Variants in MGMT observed in about 807,000 individuals in gnomAD.
The protein encoded by MGMT is O-6-methylguanine-DNA methyltransferase, also known as methylated-DNA--protein-cysteine methyltransferase.
MGMT carries 14 observed loss-of-function variants against 15.9 expected under a neutral mutation model. The ratio of observed to expected loss-of-function variants is 0.88; its 90% confidence interval spans 0.58 to 1.37. The LOEUF is 1.37. Ranked by LOEUF, MGMT falls within the 40% of genes most tolerant of loss-of-function variation. MGMT has a pLI of 0.00. For synonymous variants in MGMT, 130 were observed against 118.2 expected (o/e 1.10, Z -0.65); for missense variants, 282 against 268.1 (o/e 1.05, Z -0.36).
At chr10:129,562,120 C>A (rs1846287261) in intron 2 of MGMT, among the ~76,000 whole-genome samples, 2 of 152,186 alleles carry the variant, frequency 1.3e-5, no homozygotes, top group Admixed American at 1.3e-4. Flanking sequence ...TGAATAAAGT[C>A]TTTTATGATG....
At chr10:129,483,849 G>A (rs777227976) in intron 1 of MGMT, among the ~76,000 whole-genome samples, 1 of 151,534 alleles carries the variant, frequency 6.6e-6, no homozygotes, top group Non-Finnish European at 1.5e-5. Flanking sequence ...TTTGGATTTT[G>A]GAATATTTGC....
chr10:129,755,317 G>A (rs1340690815), intron 3 of MGMT, among the ~76,000 whole-genome samples: 1 of 152,328 alleles, frequency 6.6e-6, no homozygotes, highest in Non-Finnish European at 1.5e-5. Context: ...CCAGCTCCTG[G>A]GGATTCCCCT....
chr10:129,759,448 G>T, intron 4 of MGMT, 107 bp downstream of exon 4: 2 of 1,536,742 alleles, frequency 1.3e-6, no homozygotes, highest in Non-Finnish European at 1.8e-6. Context: ...TGCTGCTGGG[G>T]TGGGCAGAGG....
chr10:129,668,453 G>C (rs1291866103), intron 2 of MGMT, among the ~76,000 whole-genome samples: 1 of 152,002 alleles, frequency 6.6e-6, no homozygotes, highest in African/African-American at 2.4e-5. Context: ...TTGTTGTTTG[G>C]GTTTACAGCA....
intron 1 of MGMT, among the ~76,000 whole-genome samples, chr10:129,534,943 C>G (rs926459295): frequency 3.3e-5 from 5 of 152,180 alleles, no homozygotes; most frequent in African/African-American, 1.2e-4. Flanking sequence ...GTCACAACTG[C>G]TCACCTCTGC....
intron 2 of MGMT, among the ~76,000 whole-genome samples, chr10:129,553,048 C>T (rs906841595): frequency 2.0e-5 from 3 of 152,116 alleles, no homozygotes; most frequent in African/African-American, 7.2e-5. Context: ...TTGGATCCAC[C>T]ACGATGTCTC....
intron 3 of MGMT, among the ~76,000 whole-genome samples, chr10:129,745,338 T>C (rs1848682020): frequency 6.6e-6 from 1 of 151,886 alleles, no homozygotes; most frequent in Non-Finnish European, 1.5e-5. Context: ...ACCCCCAAAA[T>C]CAGGGTGCAG....
intron 2 of MGMT, among the ~76,000 whole-genome samples, chr10:129,646,719 A>AATATATATATATATATATATATATAT (rs10543851): frequency 8.2e-4 from 67 of 81,652 alleles, no homozygotes; most frequent in Middle Eastern, 6.2e-3. Context: ...GCCCATCAGA[A>AATATATATATATATATATATATATAT]ATATATATAT....
intron 2 of MGMT, among the ~76,000 whole-genome samples, chr10:129,642,351 A>G (rs1847337290): frequency 2.0e-5 from 3 of 152,180 alleles, no homozygotes; most frequent in Admixed American, 2.0e-4. Flanking sequence ...TGCATTTGGG[A>G]ATATTCTGCA....
At chr10:129,635,744 C>A (rs948968720) in intron 2 of MGMT, among the ~76,000 whole-genome samples, 1 of 152,200 alleles carries the variant, frequency 6.6e-6, no homozygotes, top group African/African-American at 2.4e-5. Flanking sequence ...CTAGTGGTCA[C>A]CTATGTCTGT....
chr10:129,739,156 A>C (rs572340418), intron 3 of MGMT, among the ~76,000 whole-genome samples: 38 of 152,304 alleles, frequency 2.5e-4, no homozygotes, highest in African/African-American at 8.7e-4. Context: ...AACGTATCTC[A>C]AATAATAAGA....
At chr10:129,611,373 CCACACACTTTCAAACAACCAGATCT>C (rs1846957478) in intron 2 of MGMT, among the ~76,000 whole-genome samples, 1 of 152,078 alleles carries the variant, frequency 6.6e-6, no homozygotes, top group Non-Finnish European at 1.5e-5. Context: ...GGGGGAGGTG[CCACACACTTTCAAACAACCAGATCT>C]CTTGAGAACT....
intron 2 of MGMT, among the ~76,000 whole-genome samples, chr10:129,628,486 T>A (rs1847175196): frequency 6.6e-6 from 1 of 152,188 alleles, no homozygotes; most frequent in Admixed American, 6.5e-5. Context: ...TCTTGAGTCC[T>A]GGTACCTGTG....
chr10:129,651,505 A>C (rs980441821), intron 2 of MGMT, among the ~76,000 whole-genome samples: 2 of 152,084 alleles, frequency 1.3e-5, no homozygotes, highest in African/African-American at 4.8e-5. Context: ...GCCCCTTTTT[A>C]TTCCGTTTAT....
At chr10:129,550,408 T>A (rs1053551344) in intron 2 of MGMT, among the ~76,000 whole-genome samples, 2 of 149,592 alleles carry the variant, frequency 1.3e-5, no homozygotes, top group Non-Finnish European at 3.0e-5. Flanking sequence ...TCCGCAGCCA[T>A]CACCACCACC....
intron 2 of MGMT, among the ~76,000 whole-genome samples, chr10:129,544,275 C>A (rs533594222): frequency 6.6e-6 from 1 of 152,132 alleles, no homozygotes; most frequent in Non-Finnish European, 1.5e-5. Flanking sequence ...GGAAAGATCC[C>A]GGAAGTGGCA....
intron 3 of MGMT, among the ~76,000 whole-genome samples, chr10:129,730,346 T>C (rs1188735123): frequency 6.6e-6 from 1 of 152,208 alleles, no homozygotes; most frequent in African/African-American, 2.4e-5. Flanking sequence ...CATGCATTGA[T>C]AATGTGTCAT....
intron 2 of MGMT, among the ~76,000 whole-genome samples, chr10:129,667,922 T>TTCC (rs1395774123): frequency 6.6e-6 from 1 of 152,236 alleles, no homozygotes; most frequent in Non-Finnish European, 1.5e-5. Flanking sequence ...GTACAGGACT[T>TTCC]TCACCCATTC....
intron 3 of MGMT, among the ~76,000 whole-genome samples, chr10:129,739,644 A>G (rs967755444): frequency 6.6e-6 from 1 of 151,976 alleles, no homozygotes; most frequent in Non-Finnish European, 1.5e-5. Flanking sequence ...CCACAGTCAG[A>G]TCAGAACCAG....
Sources: gnomAD v4.1 joint callset for allele counts (sites outside exome capture counted in the v4.1 genomes callset) on GRCh38, gnomAD v4.1.1 for gene constraint, MANE v1.5 for transcripts, NCBI Gene and HGNC (gene_info 2026-07-23, HGNC 2026-07-21) for gene names.